Variants in DLGAP1 observed in about 807,000 individuals in gnomAD.
The protein encoded by DLGAP1 is DLG associated protein 1.
A neutral mutation model predicts 90.8 loss-of-function variants in DLGAP1; 11 were observed. The observed-to-expected ratio is 0.12, with a 90% CI of 0.08 to 0.20. The LOEUF (loss-of-function observed/expected upper bound fraction) is 0.20, where lower values mean the gene tolerates loss of function less well. Among genes scored for constraint, DLGAP1 ranks in the 10% least tolerant of loss-of-function variants. The pLI is 1.00. For synonymous variants in DLGAP1, 558 were observed against 540.7 expected, an observed-to-expected ratio of 1.03 and a Z score of -0.44; for missense variants, 1,050 against 1,333.8, an observed-to-expected ratio of 0.79 and a Z score of 3.31.
intron 2 of DLGAP1, among the ~76,000 whole-genome samples, chr18:4,072,941 T>C (rs1482736173): frequency 6.6e-6 from 1 of 152,178 alleles, no homozygotes; most frequent in Non-Finnish European, 1.5e-5. Flanking sequence ...GTTAGTAATG[T>C]TGGAGTAAGA....
intron 4 of DLGAP1, among the ~76,000 whole-genome samples, chr18:3,824,092 G>A (rs2067580623): frequency 6.6e-6 from 1 of 151,808 alleles, no homozygotes; most frequent in African/African-American, 2.4e-5. Flanking sequence ...TGTATTGGAG[G>A]CATATCTGTT....
chr18:4,182,490 A>AT (rs1207047648), intron 1 of DLGAP1, among the ~76,000 whole-genome samples: 1 of 151,752 alleles, frequency 6.6e-6, no homozygotes, highest in African/African-American at 2.4e-5. Flanking sequence ...AAGTCTTTTT[A>AT]TTTTTTATTT....
At chr18:3,567,168 A>G (rs984661764) in intron 9 of DLGAP1, among the ~76,000 whole-genome samples, 2 of 152,150 alleles carry the variant, frequency 1.3e-5, no homozygotes, top group Admixed American at 1.3e-4. Flanking sequence ...CTCTTCTCAT[A>G]AAAAGTGCAC....
chr18:4,448,209 GA>G (rs1333994623), intron 1 of DLGAP1, among the ~76,000 whole-genome samples: 1 of 152,106 alleles, frequency 6.6e-6, no homozygotes, highest in African/African-American at 2.4e-5. Flanking sequence ...TACTCCTACA[GA>G]AAAGCCCAAA....
intron 1 of DLGAP1, among the ~76,000 whole-genome samples, chr18:4,380,922 C>T (rs1220973089): frequency 1.3e-5 from 2 of 152,132 alleles, no homozygotes; most frequent in Non-Finnish European, 2.9e-5. Flanking sequence ...ACTTCCCTCC[C>T]TATTGACCTG....
At chr18:3,991,904 G>A (rs999980140) in intron 3 of DLGAP1, among the ~76,000 whole-genome samples, 9 of 152,054 alleles carry the variant, frequency 5.9e-5, no homozygotes, top group Non-Finnish European at 1.2e-4. Flanking sequence ...CGAAGACCAC[G>A]GAAACATGGA....
In DLGAP1 at chr18:4,034,039, T is replaced by C. The variant is rs1454787790; in HGVS notation, c.-158-28838A>G. Among the ~76,000 whole-genome samples, 39 of 128,920 alleles carry C rather than the reference T, an allele frequency of 3.0e-4. 1 individual carries two copies. Among genetic ancestry groups the C allele is most frequent in the African/African-American group, 1.1e-3 (35 of 33,174 alleles). 84.6% of individuals were successfully genotyped at this position (128,920 alleles called of 152,430 possible). A position where few individuals can be genotyped will look rare whatever the true frequency, so the allele number is the denominator to read the frequency against. ...GGCATGAGCCACCGCGCCCGGCCCT[T>C]TTTTTTTTTTTTTTTTTCTGAGATG... is the stretch of plus-strand genomic sequence containing the variant. On this transcript the variant is annotated intron_variant, in intron 2 of 12. Coordinates refer to ENST00000315677, the MANE Select transcript of DLGAP1 (RefSeq NM_004746.4).
At chr18:4,275,846 A>G (rs1351172565) in intron 1 of DLGAP1, among the ~76,000 whole-genome samples, 1 of 152,216 alleles carries the variant, frequency 6.6e-6, no homozygotes, top group Non-Finnish European at 1.5e-5. Flanking sequence ...TTCTGAAGAA[A>G]TAAAGTCTTA....
At position 3,497,907 on chromosome 18, in the gene DLGAP1, G is replaced by A. The variant is rs1318640369; in HGVS notation, c.*1278C>T. Reference sequence around the variant, plus strand: ...GGTCGAGTTTCTTCTCTCACTACCTGGAACCTCAAGATGACAGCGGCAGCT... The same window carrying A: ...GGTCGAGTTTCTTCTCTCACTACCTAGAACCTCAAGATGACAGCGGCAGCT... On this transcript the variant is annotated 3_prime_UTR_variant, in exon 13 of 13. Coordinates refer to ENST00000315677, the MANE Select transcript of DLGAP1 (RefSeq NM_004746.4). The A allele has an allele frequency of 6.6e-6, 1 of 152,156 alleles. No individual in the cohort carries two copies. The highest frequency in any genetic ancestry group is 2.4e-5 in the African/African-American group (1 of 41,428). The allele number at this position is 152,156 out of a possible 1,614,324, so 9.4% of individuals were successfully genotyped here.
At chr18:3,628,100 T>G (rs1011390558) in intron 7 of DLGAP1, among the ~76,000 whole-genome samples, 3 of 151,930 alleles carry the variant, frequency 2.0e-5, no homozygotes, top group African/African-American at 7.2e-5. Flanking sequence ...GGTCTCGATC[T>G]CCTGACCTCA....
chr18:4,423,777 T>A (rs780545874), intron 1 of DLGAP1, among the ~76,000 whole-genome samples: 4 of 146,676 alleles, frequency 2.7e-5, no homozygotes, highest in Non-Finnish European at 5.9e-5. Flanking sequence ...TATATAGACA[T>A]CCTGGGAATG....
intron 5 of DLGAP1, among the ~76,000 whole-genome samples, chr18:3,779,549 T>C (rs993232621): frequency 9.9e-5 from 15 of 152,120 alleles, no homozygotes; most frequent in African/African-American, 3.6e-4. Context: ...CACTTGATTG[T>C]CCTCCAGTGG....
intron 1 of DLGAP1, among the ~76,000 whole-genome samples, chr18:4,287,377 A>G (rs1190122033): frequency 6.6e-6 from 1 of 152,188 alleles, no homozygotes; most frequent in African/African-American, 2.4e-5. Flanking sequence ...AAGATTATAA[A>G]TCATTCTACT....
At chr18:4,443,549 C>G (rs1567927886) in intron 1 of DLGAP1, among the ~76,000 whole-genome samples, 1 of 152,204 alleles carries the variant, frequency 6.6e-6, no homozygotes. Context: ...TCAAAAGACT[C>G]TAGAAGTCAT....
At chr18:4,266,426 C>A (rs1177520229) in intron 1 of DLGAP1, among the ~76,000 whole-genome samples, 1 of 152,206 alleles carries the variant, frequency 6.6e-6, no homozygotes, top group East Asian at 1.9e-4. Context: ...AACTGGAGAA[C>A]TCCTAGTGGG....
intron 1 of DLGAP1, chr18:4,294,297 T>G (rs1170787291): frequency 6.6e-6 from 1 of 152,292 alleles, no homozygotes; most frequent in Non-Finnish European, 1.5e-5. Context: ...CTTATCCTTC[T>G]GGATACAACC....
At chr18:4,193,324 T>A (rs1237575595) in intron 1 of DLGAP1, among the ~76,000 whole-genome samples, 1 of 152,222 alleles carries the variant, frequency 6.6e-6, no homozygotes, top group Non-Finnish European at 1.5e-5. Flanking sequence ...AAATTTTGCA[T>A]AGATTATTGA....
chr18:4,127,181 T>C (rs900078626), intron 2 of DLGAP1, among the ~76,000 whole-genome samples: 12 of 152,316 alleles, frequency 7.9e-5, no homozygotes, highest in Middle Eastern at 3.4e-3. Context: ...GGAGCTACTA[T>C]GCATGATTTG....
At chr18:4,403,294 C>A (rs1027860529) in intron 1 of DLGAP1, among the ~76,000 whole-genome samples, 2 of 152,056 alleles carry the variant, frequency 1.3e-5, no homozygotes, top group Non-Finnish European at 2.9e-5. Context: ...TCCCTATGAT[C>A]AACTAAAATA....
Sources: gnomAD v4.1 joint callset for allele counts (sites outside exome capture counted in the v4.1 genomes callset) on GRCh38, gnomAD v4.1.1 for gene constraint, MANE v1.5 for transcripts, NCBI Gene and HGNC (gene_info 2026-07-23, HGNC 2026-07-21) for gene names.